PPM1E: variants seen among roughly 807,000 people sequenced by gnomAD.
PPM1E encodes the protein protein phosphatase, Mg2+/Mn2+ dependent 1E, also known as protein phosphatase 1E.
A neutral mutation model predicts 65.9 loss-of-function variants in PPM1E; 20 were observed. The ratio of observed to expected loss-of-function variants is 0.30; its 90% CI spans 0.21 to 0.44. The LOEUF (loss-of-function observed/expected upper bound fraction) is 0.44. Ranked by LOEUF, PPM1E falls within the 20% of genes least tolerant of loss-of-function variation. PPM1E has a pLI of 1.00. For synonymous variants in PPM1E, 352 were observed against 374.9 expected, an observed-to-expected ratio of 0.94 and a Z score of 0.70; for missense variants, 713 against 953.1, an observed-to-expected ratio of 0.75 and a Z score of 3.32.
chr17:58,849,257 G>A (rs1381528752), intron 1 of PPM1E, among the ~76,000 whole-genome samples: 1 of 151,922 alleles, frequency 6.6e-6, no homozygotes. Flanking sequence ...AGGGTGTTTT[G>A]TGTCTCTATC....
chr17:58,977,684 A>G (rs12945162), intron 6 of PPM1E, among the ~76,000 whole-genome samples: 3 of 152,292 alleles, frequency 2.0e-5, no homozygotes, highest in East Asian at 1.9e-4. Context: ...AGAGTTATCC[A>G]TAGGGTTCCT....
chr17:58,973,073 T>A, intron 6 of PPM1E, 148 bp downstream of exon 6: 3 of 587,846 alleles, frequency 5.1e-6, no homozygotes, highest in African/African-American at 1.9e-5. Context: ...ACGTCTCTTT[T>A]AATTGTTTGA....
intron 1 of PPM1E, among the ~76,000 whole-genome samples, chr17:58,783,434 C>A (rs1250278522): frequency 6.6e-6 from 1 of 152,046 alleles, no homozygotes; most frequent in Non-Finnish European, 1.5e-5. Context: ...ATTTGCCTGC[C>A]AAAATTTAAT....
rs1307935268 is a variant in PPM1E at position 58,984,044 on chromosome 17, T to C, written c.*3013T>C. On this transcript the variant is annotated 3_prime_UTR_variant, in exon 7 of 7. Coordinates refer to ENST00000308249, the MANE Select transcript of PPM1E (RefSeq NM_014906.5). ...ACACACACTGGGGCTATTAATCCCATTTAGGTCTGTACTAAAGAGGATGGG... is the reference window on the plus strand; with the variant it reads ...ACACACACTGGGGCTATTAATCCCACTTAGGTCTGTACTAAAGAGGATGGG... 4 of 152,632 alleles carry C rather than the reference T, an allele frequency of 2.6e-5. No homozygotes were observed. The highest frequency in any genetic ancestry group is 9.7e-5 in the African/African-American group (4 of 41,446). The allele number at this position is 152,632 out of a possible 1,614,324, so 9.5% of individuals were successfully genotyped here.
intron 1 of PPM1E, among the ~76,000 whole-genome samples, chr17:58,773,848 G>GT (rs1209324367): frequency 6.6e-6 from 1 of 152,060 alleles, no homozygotes; most frequent in Non-Finnish European, 1.5e-5. Context: ...TGGGTTCCGG[G>GT]AATCTGTTTT....
At chr17:58,812,622 T>C (rs2050380279) in intron 1 of PPM1E, among the ~76,000 whole-genome samples, 1 of 152,190 alleles carries the variant, frequency 6.6e-6, no homozygotes, top group Non-Finnish European at 1.5e-5. Flanking sequence ...GGCATGATCT[T>C]GGTTCACTGC....
chr17:58,966,350 C>CT (rs2143679429), intron 3 of PPM1E: 3 of 304,984 alleles, frequency 9.8e-6, no homozygotes, highest in Non-Finnish European at 1.8e-5. Context: ...GAGACTGTCT[C>CT]TTAAAAAAAA....
At chr17:58,953,421 G>T (rs533485712) in intron 1 of PPM1E, among the ~76,000 whole-genome samples, 2 of 152,180 alleles carry the variant, frequency 1.3e-5, no homozygotes, top group East Asian at 3.9e-4. Context: ...AGGGGAGGAG[G>T]TGCCCAGCTC....
chr17:58,886,804 A>C (rs541984936), intron 1 of PPM1E, among the ~76,000 whole-genome samples: 1 of 152,304 alleles, frequency 6.6e-6, no homozygotes, highest in South Asian at 2.1e-4. Flanking sequence ...ATTACATATG[A>C]AAGGTTGAGA....
chr17:58,974,465 G>C (rs191552047), intron 6 of PPM1E, among the ~76,000 whole-genome samples: 2 of 152,280 alleles, frequency 1.3e-5, no homozygotes, highest in East Asian at 3.9e-4. Flanking sequence ...AGATTAAACA[G>C]CTAAGTTGGC....
At chr17:58,782,503 G>T (rs981829952) in intron 1 of PPM1E, among the ~76,000 whole-genome samples, 1 of 150,952 alleles carries the variant, frequency 6.6e-6, no homozygotes, top group Non-Finnish European at 1.5e-5. Flanking sequence ...CCAGGTTCAA[G>T]TGATTTTCCT....
intron 1 of PPM1E, among the ~76,000 whole-genome samples, chr17:58,766,584 T>C (rs1024233074): frequency 6.9e-6 from 1 of 145,342 alleles, no homozygotes; most frequent in Non-Finnish European, 1.5e-5. Context: ...TTGAGAAGTA[T>C]ATTGTACTAT....
rs1402407545 is a variant in PPM1E, at chr17:58,834,640, T to TA, written c.464+78183dup. 2.6e-5 allele frequency among the ~76,000 whole-genome samples: 4 copies of TA among 152,334 alleles called. No homozygotes were observed. The East Asian group carries it at 7.7e-4, about 29-fold the overall frequency. On this transcript the variant is annotated intron_variant, in intron 1 of 6. Coordinates refer to ENST00000308249, the MANE Select transcript of PPM1E (RefSeq NM_014906.5). ...GACCAGTTGTCCCATCACCACTTGT[T>TA]AAAACGACTATCCTTGCTTCATTAA... is the stretch of plus-strand genomic sequence containing the variant.
chr17:58,810,750 T>C (rs2050358624), intron 1 of PPM1E, among the ~76,000 whole-genome samples: 1 of 152,192 alleles, frequency 6.6e-6, no homozygotes, highest in African/African-American at 2.4e-5. Flanking sequence ...TGAACTGTTC[T>C]ATAAAGAAAA....
intron 1 of PPM1E, among the ~76,000 whole-genome samples, chr17:58,826,609 G>A (rs1480021033): frequency 1.3e-5 from 2 of 152,000 alleles, no homozygotes; most frequent in Non-Finnish European, 2.9e-5. Context: ...TATTTTTAAT[G>A]TACAAATATT....
At chr17:58,869,639 A>G (rs1374345029) in intron 1 of PPM1E, among the ~76,000 whole-genome samples, 2 of 152,180 alleles carry the variant, frequency 1.3e-5, no homozygotes. Flanking sequence ...TTGTGAACCA[A>G]ATAAACCTCT....
At chr17:58,895,769 G>A (rs1445352852) in intron 1 of PPM1E, among the ~76,000 whole-genome samples, 3 of 151,884 alleles carry the variant, frequency 2.0e-5, no homozygotes, top group African/African-American at 2.4e-5. Context: ...ATAGCGACAC[G>A]ACTGCACTTC....
intron 1 of PPM1E, among the ~76,000 whole-genome samples, chr17:58,943,643 A>G (rs2052104544): frequency 6.6e-6 from 1 of 152,120 alleles, no homozygotes; most frequent in Non-Finnish European, 1.5e-5. Flanking sequence ...GACCCGCAGC[A>G]TGAGTTCATA....
At chr17:58,812,572 A>T (rs1309250965) in intron 1 of PPM1E, among the ~76,000 whole-genome samples, 1 of 151,792 alleles carries the variant, frequency 6.6e-6, no homozygotes, top group African/African-American at 2.4e-5. Context: ...TTATTTATTT[A>T]TTTTTTTGAG....
Sources: gnomAD v4.1 joint callset for allele counts (sites outside exome capture counted in the v4.1 genomes callset) on GRCh38, gnomAD v4.1.1 for gene constraint, MANE v1.5 for transcripts, NCBI Gene and HGNC (gene_info 2026-07-23, HGNC 2026-07-21) for gene names.